CDH2: variants seen among roughly 807,000 people sequenced by gnomAD.
CDH2 encodes cadherin-2.
A neutral mutation model predicts 92.0 loss-of-function variants in CDH2; 17 were observed. That is an observed-to-expected ratio of 0.18 (90% CI 0.13 to 0.28). The LOEUF is 0.28. CDH2 is among the 10% of genes least tolerant of loss of function. The probability of loss-of-function intolerance (pLI) is 1.00; values close to 1 mark genes in which losing one functional copy is unlikely to be tolerated. For missense variants in CDH2, 862 were observed against 1,133.1 expected (o/e 0.76, Z 3.44); for synonymous variants, 419 against 415.9 (o/e 1.01, Z -0.09).
At chr18:28,075,479 TG>T (rs2014701811) in intron 2 of CDH2, among the ~76,000 whole-genome samples, 1 of 152,148 alleles carries the variant, frequency 6.6e-6, no homozygotes. Flanking sequence ...AAGGTCTCCA[TG>T]GGATGAACAA....
intron 7 of CDH2, among the ~76,000 whole-genome samples, chr18:28,002,349 C>G (rs974987357): frequency 6.6e-6 from 1 of 152,178 alleles, no homozygotes; most frequent in African/African-American, 2.4e-5. Context: ...CCATCTCAGA[C>G]TGTGATACTG....
At chr18:28,071,415 G>A (rs1261765049) in intron 2 of CDH2, among the ~76,000 whole-genome samples, 1 of 152,016 alleles carries the variant, frequency 6.6e-6, no homozygotes, top group African/African-American at 2.4e-5. Flanking sequence ...AAGGGTAAGT[G>A]AATGCAGGCA....
intron 13 of CDH2, among the ~76,000 whole-genome samples, 169 bp downstream of exon 13, chr18:27,984,831 G>T (rs571952359): frequency 2.2e-4 from 33 of 152,324 alleles, no homozygotes; most frequent in African/African-American, 7.7e-4. Context: ...ATGCTCTGGG[G>T]TTTTTTCATT....
chr18:28,023,248 A>G (rs1402066879), intron 2 of CDH2, among the ~76,000 whole-genome samples: 2 of 152,168 alleles, frequency 1.3e-5, no homozygotes, highest in Non-Finnish European at 2.9e-5. Context: ...CTTGATGTTT[A>G]CACCTTCATA....
At chr18:27,993,176 T>C (rs977171768) in intron 8 of CDH2, among the ~76,000 whole-genome samples, 1 of 152,238 alleles carries the variant, frequency 6.6e-6, no homozygotes, top group African/African-American at 2.4e-5. Context: ...AATTATATGC[T>C]GACAAAGTAG....
chr18:28,123,429 G>C (rs2015624444), intron 2 of CDH2, among the ~76,000 whole-genome samples: 1 of 152,110 alleles, frequency 6.6e-6, no homozygotes, highest in Non-Finnish European at 1.5e-5. Flanking sequence ...TTAAGTCACA[G>C]ATATTAACTG....
intron 2 of CDH2, among the ~76,000 whole-genome samples, chr18:28,052,071 A>C (rs2014202687): frequency 6.6e-6 from 1 of 152,208 alleles, no homozygotes; most frequent in Non-Finnish European, 1.5e-5. Context: ...TTATAGCCCA[A>C]ACGTAATGAA....
At chr18:28,026,038 A>G (rs1250474599) in intron 2 of CDH2, among the ~76,000 whole-genome samples, 1 of 152,160 alleles carries the variant, frequency 6.6e-6, no homozygotes, top group Admixed American at 6.5e-5. Context: ...ACCAATAAGT[A>G]TTGTGGGCCA....
intron 2 of CDH2, among the ~76,000 whole-genome samples, chr18:28,111,979 T>C (rs1162822240): frequency 6.6e-6 from 1 of 152,234 alleles, no homozygotes; most frequent in Non-Finnish European, 1.5e-5. Flanking sequence ...CCCTGGCCTC[T>C]GCCACACATA....
At chr18:28,092,915 T>C (rs2015062657) in intron 2 of CDH2, among the ~76,000 whole-genome samples, 1 of 152,154 alleles carries the variant, frequency 6.6e-6, no homozygotes, top group Admixed American at 6.6e-5. Flanking sequence ...CATTTACATT[T>C]TGTGCTCTTT....
intron 1 of CDH2, among the ~76,000 whole-genome samples, chr18:28,154,548 G>A (rs1294975166): frequency 6.6e-6 from 1 of 152,238 alleles, no homozygotes; most frequent in Admixed American, 6.5e-5. Flanking sequence ...GTGAGTATCA[G>A]TCTCTCTGTT....
At chr18:28,104,380 A>G (rs1356478243) in intron 2 of CDH2, among the ~76,000 whole-genome samples, 1 of 152,084 alleles carries the variant, frequency 6.6e-6, no homozygotes, top group African/African-American at 2.4e-5. Flanking sequence ...GTAACTGTTG[A>G]TATCTTGAAA....
chr18:27,997,713 C>T (rs975331241), intron 7 of CDH2, among the ~76,000 whole-genome samples: 9 of 152,032 alleles, frequency 5.9e-5, no homozygotes, highest in Admixed American at 1.3e-4. Context: ...CAGGAGATGA[C>T]AGATTTGCCT....
intron 2 of CDH2, among the ~76,000 whole-genome samples, chr18:28,123,540 C>T (rs1328991089): frequency 6.6e-6 from 1 of 151,996 alleles, no homozygotes; most frequent in African/African-American, 2.4e-5. Flanking sequence ...TTGGATGAAC[C>T]CAGGAGCAAG....
intron 2 of CDH2, among the ~76,000 whole-genome samples, chr18:28,040,547 G>A (rs930827107): frequency 1.3e-5 from 2 of 152,156 alleles, no homozygotes; most frequent in African/African-American, 4.8e-5. Context: ...CCTGTTAACA[G>A]AAATGTTCAG....
intron 2 of CDH2, among the ~76,000 whole-genome samples, chr18:28,111,147 GAA>G (rs1364146716): frequency 6.6e-6 from 1 of 152,204 alleles, no homozygotes; most frequent in Non-Finnish European, 1.5e-5. Context: ...ACAGGCATTG[GAA>G]AGAGGCAAAT....
intron 2 of CDH2, among the ~76,000 whole-genome samples, chr18:28,061,986 G>C (rs999961012): frequency 1.3e-5 from 2 of 152,062 alleles, no homozygotes; most frequent in Non-Finnish European, 2.9e-5. Context: ...CGGCCAAACC[G>C]TATCACCTAG....
At chr18:28,012,061 T>C (rs1166048335) in intron 3 of CDH2, 69 bp from the exon 4 acceptor site, 20 of 1,313,308 alleles carry the variant, frequency 1.5e-5, no homozygotes, top group Non-Finnish European at 2.0e-5. Flanking sequence ...ATCAATATTA[T>C]TGAATACCTG....
intron 2 of CDH2, among the ~76,000 whole-genome samples, chr18:28,073,048 T>G (rs2014650803): frequency 6.6e-6 from 1 of 152,270 alleles, no homozygotes; most frequent in Non-Finnish European, 1.5e-5. Flanking sequence ...GCACAGAATT[T>G]TTTTTTTCAA....
Sources: gnomAD v4.1 joint callset for allele counts (sites outside exome capture counted in the v4.1 genomes callset) on GRCh38, gnomAD v4.1.1 for gene constraint, MANE v1.5 for transcripts, NCBI Gene and HGNC (gene_info 2026-07-23, HGNC 2026-07-21) for gene names.